Variants in RAB27A observed in about 807,000 individuals in gnomAD.
The protein encoded by RAB27A is RAB27A, member RAS oncogene family, also known as ras-related protein Rab-27A.
In RAB27A, 17 loss-of-function variants were observed where a neutral mutation model predicts 20.8. The ratio of observed to expected loss-of-function variants is 0.82; its 90% confidence interval spans 0.56 to 1.23. The LOEUF is 1.23. RAB27A is among the 50% of genes most tolerant of loss of function. The pLI is 0.00. For missense variants in RAB27A, 277 were observed against 266.7 expected (o/e 1.04, Z -0.27); for synonymous variants, 85 against 92.8 (o/e 0.92, Z 0.48).
intron 2 of RAB27A, among the ~76,000 whole-genome samples, chr15:55,302,936 A>T (rs1595755569): frequency 7.5e-6 from 1 of 132,498 alleles, no homozygotes; most frequent in African/African-American, 3.2e-5. Context: ...CCATCTGGGA[A>T]GTGAGGAGCA....
At chr15:55,299,001 G>A (rs2054960699) in intron 2 of RAB27A, among the ~76,000 whole-genome samples, 1 of 152,100 alleles carries the variant, frequency 6.6e-6, no homozygotes, top group African/African-American at 2.4e-5. Context: ...CACACATGCT[G>A]TATAATTTGT....
chr15:55,276,510 C>A (rs1897878715), intron 1 of RAB27A, among the ~76,000 whole-genome samples: 1 of 152,126 alleles, frequency 6.6e-6, no homozygotes, highest in South Asian at 2.1e-4. Flanking sequence ...TTCAAGGCTG[C>A]AGTGAGCTAT....
At chr15:55,318,716 A>G (rs886237394) in intron 1 of RAB27A, 3 of 106,486 alleles carry the variant, frequency 2.8e-5, no homozygotes, top group African/African-American at 2.0e-4. Flanking sequence ...AAAAAAACAA[A>G]AACAAAAACA....
chr15:55,315,809 G>A (rs2055040698), intron 1 of RAB27A, among the ~76,000 whole-genome samples: 1 of 152,198 alleles, frequency 6.6e-6, no homozygotes, highest in South Asian at 2.1e-4. Flanking sequence ...GTTGGTGGGA[G>A]TGTAAATTAG....
At chr15:55,230,603 C>G (rs1566909581) in intron 3 of RAB27A, 117 bp from the exon 4 acceptor site, 4 of 750,668 alleles carry the variant, frequency 5.3e-6, no homozygotes, top group East Asian at 2.6e-5. Flanking sequence ...AGAATGCCAT[C>G]TGGAATACAA....
intron 6 of RAB27A, chr15:55,206,381 T>C (rs1322657082): frequency 2.4e-6 from 1 of 417,550 alleles, no homozygotes; most frequent in African/African-American, 2.2e-5. Flanking sequence ...TGAGACAGAG[T>C]CTCTATCACC....
chr15:55,247,187 A>C (rs1436134758), intron 2 of RAB27A, among the ~76,000 whole-genome samples: 2 of 152,202 alleles, frequency 1.3e-5, no homozygotes, highest in Non-Finnish European at 2.9e-5. Flanking sequence ...AAGGTAGAAC[A>C]TCTGCAAGTC....
At chr15:55,230,752 C>A (rs945264596) in intron 3 of RAB27A, among the ~76,000 whole-genome samples, 8 of 151,728 alleles carry the variant, frequency 5.3e-5, no homozygotes, top group African/African-American at 9.7e-5. Context: ...ATTAGTTTAC[C>A]TTTCCTCAAA....
chr15:55,286,983 G>C (rs558967974), intron 1 of RAB27A, among the ~76,000 whole-genome samples: 1 of 130,672 alleles, frequency 7.7e-6, no homozygotes, highest in African/African-American at 2.9e-5. Flanking sequence ...GCAATGGCAC[G>C]ATCTTAGCTC....
At chr15:55,212,266 G>C (rs1895063728) in intron 6 of RAB27A, among the ~76,000 whole-genome samples, 1 of 152,148 alleles carries the variant, frequency 6.6e-6, no homozygotes, top group Non-Finnish European at 1.5e-5. Context: ...GAAAGTAGCA[G>C]AGTTAGGATT....
intron 2 of RAB27A, among the ~76,000 whole-genome samples, chr15:55,246,185 T>A (rs569266033): frequency 1.4e-4 from 21 of 151,958 alleles, no homozygotes; most frequent in Non-Finnish European, 2.9e-4. Context: ...CTTCCAGATG[T>A]TCATAATTTT....
At chr15:55,316,951 GTTT>G (rs1398708197) in intron 1 of RAB27A, among the ~76,000 whole-genome samples, 1 of 152,174 alleles carries the variant, frequency 6.6e-6, no homozygotes, top group Non-Finnish European at 1.5e-5. Flanking sequence ...GCCTGAGGTA[GTTT>G]AAGTTGGTTC....
At chr15:55,279,329 G>A (rs189651132) in intron 1 of RAB27A, among the ~76,000 whole-genome samples, 154 of 152,306 alleles carry the variant, frequency 1.0e-3, no homozygotes, top group African/African-American at 3.6e-3. Context: ...AATGGATCCA[G>A]GACTGGCAGC....
At chr15:55,251,864 T>C (rs1896901505) in intron 2 of RAB27A, among the ~76,000 whole-genome samples, 1 of 152,220 alleles carries the variant, frequency 6.6e-6, no homozygotes, top group Admixed American at 6.5e-5. Context: ...AGGAGTGTTT[T>C]ACATGAAAGT....
intron 2 of RAB27A, among the ~76,000 whole-genome samples, chr15:55,243,634 A>G (rs1896578375): frequency 6.6e-6 from 1 of 152,106 alleles, no homozygotes; most frequent in Non-Finnish European, 1.5e-5. Flanking sequence ...CTCAAAAAAA[A>G]AAAAACATTA....
chr15:55,262,296 A>C (rs981518954), intron 2 of RAB27A, among the ~76,000 whole-genome samples: 5 of 151,960 alleles, frequency 3.3e-5, no homozygotes, highest in South Asian at 2.1e-4. Context: ...AATCCTAGCA[A>C]TTTGGGAGGC....
At chr15:55,253,773 T>C (rs541866175) in intron 2 of RAB27A, among the ~76,000 whole-genome samples, 155 of 147,146 alleles carry the variant, frequency 1.1e-3, no homozygotes, top group Non-Finnish European at 1.7e-3. Context: ...TAAACCTCAA[T>C]ACAGATTTAC....
chr15:55,306,693 C>T (rs569539050), intron 2 of RAB27A, among the ~76,000 whole-genome samples: 1 of 152,046 alleles, frequency 6.6e-6, no homozygotes, highest in Non-Finnish European at 1.5e-5. Context: ...TGGGTGTGGG[C>T]GGTGAAGGCG....
At chr15:55,317,704 T>C in intron 1 of RAB27A, 1 of 398,618 alleles carries the variant, frequency 2.5e-6, no homozygotes. Flanking sequence ...GGCATACTGT[T>C]CAAATACTGG....
Sources: gnomAD v4.1 joint callset for allele counts (sites outside exome capture counted in the v4.1 genomes callset) on GRCh38, gnomAD v4.1.1 for gene constraint, MANE v1.5 for transcripts, NCBI Gene and HGNC (gene_info 2026-07-23, HGNC 2026-07-21) for gene names.